Variants in PC observed in about 807,000 individuals in gnomAD.
PC encodes pyruvate carboxylase, mitochondrial.
A neutral mutation model predicts 107.8 loss-of-function variants in PC; 46 were observed. The ratio of observed to expected loss-of-function variants is 0.43; its 90% CI spans 0.34 to 0.55. The LOEUF is 0.55. PC is among the 20% of genes least tolerant of loss of function. The pLI, the probability that PC is intolerant of heterozygous loss-of-function variation, is 0.04. For synonymous variants in PC, 662 were observed against 684.7 expected, an observed-to-expected ratio of 0.97 and a Z score of 0.52; for missense variants, 1,241 against 1,643.1, an observed-to-expected ratio of 0.76 and a Z score of 4.23.
chr11:66,900,706 A>G (rs775582828), intron 3 of PC, among the ~76,000 whole-genome samples: 8 of 152,326 alleles, frequency 5.3e-5, no homozygotes, highest in Admixed American at 1.3e-4. Context: ...TTTTCAGAGT[A>G]TAAGTCTTGC....
intron 3 of PC, among the ~76,000 whole-genome samples, chr11:66,909,795 A>G (rs901796226): frequency 1.3e-5 from 2 of 152,194 alleles, no homozygotes; most frequent in Non-Finnish European, 2.9e-5. Context: ...AGACTCACAG[A>G]CAAGGTGAGT....
Position 66,871,898 on chromosome 11 carries a change from G to T in PC, c.137-27C>A. The stretch of plus-strand genomic sequence containing the variant: ...TAGAGGGCAAAGAAACAAGAAGTTA[G>T]ATTCCTAGGTCCTAGGAGAAGCAGA... On this transcript the variant is annotated intron_variant, in intron 4 of 22. Transcript: ENST00000393960. The surrounding 1 kb of genome is among the most constrained non-coding windows in gnomAD (Gnocchi z 7.4). The T allele has an allele frequency of 6.2e-7, 1 of 1,602,186 alleles. No homozygotes were observed. The highest frequency in any genetic ancestry group is 1.1e-5 in the South Asian group (1 of 89,752).
intron 3 of PC, among the ~76,000 whole-genome samples, chr11:66,937,846 A>G (rs1378050262): frequency 6.7e-6 from 1 of 148,356 alleles, no homozygotes; most frequent in East Asian, 2.0e-4. Context: ...ATGCCATCTC[A>G]GCTCACTGCA....
chr11:66,917,695 C>G (rs1460861114), intron 3 of PC, among the ~76,000 whole-genome samples: 1 of 152,220 alleles, frequency 6.6e-6, no homozygotes. Context: ...TGCCTGTCCA[C>G]TGCTCTGGTG....
In PC at chr11:66,848,480, T is replaced by C. The variant is rs1162880896; in HGVS notation, c.*419A>G. On this transcript the variant is annotated 3_prime_UTR_variant, in exon 23 of 23. Transcript: ENST00000393960. ...GGGAGCTTGAAAGGCAGCCCCCCAC[T>C]GCTGAGTGGTGCAGGCTGGGGGCTG... 23 of 554,232 alleles carry C rather than the reference T, an allele frequency of 4.1e-5. No individual in the cohort carries two copies. In the Middle Eastern group the frequency reaches 2.3e-3, roughly 55 times the overall value. 34.3% of individuals were successfully genotyped at this position (554,232 alleles called of 1,614,324 possible). A position where few individuals can be genotyped will look rare whatever the true frequency, so the allele number is the denominator to read the frequency against.
chr11:66,946,783 T>C (rs1447632793), intron 3 of PC, among the ~76,000 whole-genome samples: 7 of 152,084 alleles, frequency 4.6e-5, no homozygotes, highest in Non-Finnish European at 8.8e-5. Context: ...AGCAAGACCC[T>C]GTCTCAAAAC....
intron 10 of PC, among the ~76,000 whole-genome samples, chr11:66,868,253 A>C (rs2135926336): frequency 6.6e-6 from 1 of 152,376 alleles, no homozygotes; most frequent in South Asian, 2.1e-4. Context: ...AGCCAGACAC[A>C]CAAACTAATT....
intron 12 of PC, chr11:66,860,012 C>T (rs3802743): frequency 0.023 from 36,224 of 1,589,950 alleles, 548 homozygotes; most frequent in African/African-American, 0.056. Flanking sequence ...CGCCGCGGAG[C>T]CCCCCGCCCC....
At chr11:66,908,714 C>T (rs1192604500) in intron 3 of PC, among the ~76,000 whole-genome samples, 1 of 152,138 alleles carries the variant, frequency 6.6e-6, no homozygotes, top group African/African-American at 2.4e-5. Context: ...CACTGTGTGA[C>T]AGAAGCTGGC....
At chr11:66,867,041 G>A (rs894431686) in intron 10 of PC, among the ~76,000 whole-genome samples, 6 of 152,094 alleles carry the variant, frequency 3.9e-5, no homozygotes, top group African/African-American at 9.7e-5. Context: ...CTGCTCCTAA[G>A]GGCAGTCACA....
intron 3 of PC, among the ~76,000 whole-genome samples, chr11:66,889,428 T>C (rs146047616): frequency 0.012 from 1,792 of 152,124 alleles, 22 homozygotes; most frequent in Non-Finnish European, 0.02. Context: ...TGGAGTGTAG[T>C]GGCATGATCT....
rs1294478419 is a variant in PC, at chr11:66,872,094, G to T, written c.66C>A (p.Ala22=). The part of the protein sequence containing the change: ...RLLGIRRTST[A]PAASPNVRRL... ...GCCGGACATTTGGGGAGGCAGCGGG[G>T]GCGGTGGAGGTTCGGCGGATTCCCA... The change falls in exon 4 of 23, where the codon GCC becomes GCA. Residue 22 remains alanine (A), a synonymous_variant. Coordinates refer to ENST00000393960, the MANE Select transcript of PC (RefSeq NM_001040716.2). 2.5e-5 allele frequency: 39 copies of T among 1,571,338 alleles called. 1 individual carries two copies. Among genetic ancestry groups the T allele is most frequent in the Non-Finnish European group, 3.4e-5 (39 of 1,158,786 alleles).
At chr11:66,885,359 GGCTGCCTATAATCCCA>G (rs1947321791) in intron 3 of PC, among the ~76,000 whole-genome samples, 1 of 152,008 alleles carries the variant, frequency 6.6e-6, no homozygotes, top group African/African-American at 2.4e-5. Context: ...GTGTGGTGGT[GGCTGCCTATAATCCCA>G]GCTACTCGGG....
In PC at chr11:66,886,499, G is replaced by A. The variant is rs577906619; in HGVS notation, c.1-14340C>T. Reference sequence around the variant, plus strand: ...CTCTGGGGAAGCTGGATTTGAGAAGGAAAGATGAGAAGTAGAAGGTCAGCT... The same window carrying A: ...CTCTGGGGAAGCTGGATTTGAGAAGAAAAGATGAGAAGTAGAAGGTCAGCT... On this transcript the variant is annotated intron_variant, in intron 3 of 22. Transcript: ENST00000393960. 2.0e-5 allele frequency among the ~76,000 whole-genome samples: 3 copies of A among 152,258 alleles called. No individual in the cohort carries two copies. The South Asian group carries it at 6.2e-4, about 32-fold the overall frequency.
At chr11:66,860,023 G>A (rs779077700) in intron 12 of PC, 7 of 1,586,054 alleles carry the variant, frequency 4.4e-6, no homozygotes, top group Middle Eastern at 1.7e-4. Flanking sequence ...CCCCCGCCCC[G>A]GCCGCAGCGC....
In PC at chr11:66,858,142, G is replaced by C; in HGVS notation, c.1369-4759C>G. Reference sequence around the variant, plus strand: ...CTCATCCTCAGCGGCAACCAGCTGGGCCGCATCGCGCCGGGAGCCTTCGAC... The same window carrying C: ...CTCATCCTCAGCGGCAACCAGCTGGCCCGCATCGCGCCGGGAGCCTTCGAC... On this transcript the variant is annotated intron_variant, in intron 12 of 22. Transcript: ENST00000393960. The surrounding 1 kb of genome is among the most constrained non-coding windows in gnomAD (Gnocchi z 5.9). The C allele has an allele frequency of 6.2e-7, 1 of 1,610,532 alleles. No homozygotes were observed. The highest frequency in any genetic ancestry group is 8.5e-7 in the Non-Finnish European group (1 of 1,178,774).
chr11:66,853,970 C>G (rs1945661042), intron 12 of PC, among the ~76,000 whole-genome samples: 1 of 152,244 alleles, frequency 6.6e-6, no homozygotes, highest in South Asian at 2.1e-4. Context: ...CAACTGCCTC[C>G]CGGGCCTTTC....
chr11:66,925,342 C>T (rs1010554400), intron 3 of PC, among the ~76,000 whole-genome samples: 10 of 152,128 alleles, frequency 6.6e-5, no homozygotes, highest in Non-Finnish European at 1.0e-4. Context: ...CCATAAAAGA[C>T]GGCTGCCCCC....
chr11:66,862,195 G>A (rs931403849), intron 12 of PC, among the ~76,000 whole-genome samples: 1 of 152,174 alleles, frequency 6.6e-6, no homozygotes, highest in Non-Finnish European at 1.5e-5. Flanking sequence ...AGCTGATGTC[G>A]CGACACACCT....
Sources: allele counts gnomAD v4.1 joint callset (sites outside exome capture counted in the v4.1 genomes callset), GRCh38; gene constraint gnomAD v4.1.1; non-coding constraint Gnocchi (gnomAD v3.1); transcripts MANE v1.5; gene names NCBI Gene and HGNC (gene_info 2026-07-23, HGNC 2026-07-21).